TIAM1: variants seen among roughly 807,000 people sequenced by gnomAD.
The protein encoded by TIAM1 is TIAM Rac1 associated GEF 1, also known as rho guanine nucleotide exchange factor TIAM1.
In TIAM1, 65 loss-of-function variants were observed where a neutral mutation model predicts 163.5. The ratio of observed to expected loss-of-function variants is 0.40; its 90% CI spans 0.33 to 0.49. The LOEUF is 0.49. Ranked by LOEUF, TIAM1 falls within the 20% of genes least tolerant of loss-of-function variation. The pLI is 0.77. For synonymous variants in TIAM1, 833 were observed against 810.1 expected (o/e 1.03, Z -0.48); for missense variants, 1,789 against 2,044.7 (o/e 0.87, Z 2.41).
chr21:31,121,979 C>T (rs1452613245), intron 27 of TIAM1, among the ~76,000 whole-genome samples: 1 of 152,112 alleles, frequency 6.6e-6, no homozygotes, highest in African/African-American at 2.4e-5. Flanking sequence ...TTTCCTGAAA[C>T]CTAAGCCCCA....
chr21:31,361,959 C>T (rs2076414716), intron 2 of TIAM1, among the ~76,000 whole-genome samples: 1 of 152,004 alleles, frequency 6.6e-6, no homozygotes, highest in Non-Finnish European at 1.5e-5. Flanking sequence ...TATACACATA[C>T]ACATATATGT....
At chr21:31,408,454 T>C (rs544129481) in intron 2 of TIAM1, among the ~76,000 whole-genome samples, 1 of 152,282 alleles carries the variant, frequency 6.6e-6, no homozygotes, top group Admixed American at 6.5e-5. Context: ...CCGAGTCAGC[T>C]AAAAGGATTC....
chr21:31,514,022 A>G (rs969876580), intron 1 of TIAM1, among the ~76,000 whole-genome samples: 5 of 152,014 alleles, frequency 3.3e-5, no homozygotes, highest in Non-Finnish European at 7.4e-5. Flanking sequence ...AAATAATAAT[A>G]ATAAGGTTCT....
chr21:31,345,461 T>C (rs1284692621), upstream of TIAM1, among the ~76,000 whole-genome samples: 3 of 149,626 alleles, frequency 2.0e-5, no homozygotes, highest in African/African-American at 4.9e-5. Context: ...ATATTTTATA[T>C]ATATTCATAT....
At chr21:31,537,779 T>C (rs868718673) in intron 1 of TIAM1, among the ~76,000 whole-genome samples, 3 of 152,022 alleles carry the variant, frequency 2.0e-5, no homozygotes, top group Middle Eastern at 3.4e-3. Flanking sequence ...GAGAAAAGTA[T>C]TAATATTTAC....
At position 31,136,087 on chromosome 21, in the gene TIAM1, T is replaced by A. The variant is rs762360847; in HGVS notation, c.3775-46A>T. 8 of 1,481,790 alleles carry A rather than the reference T, an allele frequency of 5.4e-6. No individual in the cohort carries two copies. In the African/African-American group the frequency reaches 1.1e-4, roughly 21 times the overall value. 91.8% of individuals were successfully genotyped at this position (1,481,790 alleles called of 1,614,324 possible). A position where few individuals can be genotyped will look rare whatever the true frequency, so the allele number is the denominator to read the frequency against. ...AAAGCTTACTGGGTGGTGTTATCAA[T>A]ACTCAGATTTTCATGATGTTTGAAA... is the stretch of plus-strand genomic sequence containing the variant. On this transcript the variant is annotated intron_variant, in intron 22 of 27. Transcript: ENST00000541036.
At chr21:31,245,875 G>T (rs1411062854) in intron 5 of TIAM1, among the ~76,000 whole-genome samples, 1 of 152,154 alleles carries the variant, frequency 6.6e-6, no homozygotes. Context: ...GCCTGCCCGG[G>T]TTTCCTTCCT....
upstream of TIAM1, among the ~76,000 whole-genome samples, chr21:31,345,605 AC>A (rs2076133854): frequency 3.3e-5 from 5 of 152,116 alleles, no homozygotes; most frequent in South Asian, 1.0e-3. Context: ...AAATTTAATA[AC>A]CACCTGATAA....
chr21:31,311,544 G>A (rs1367241085), intron 2 of TIAM1, among the ~76,000 whole-genome samples: 1 of 152,162 alleles, frequency 6.6e-6, no homozygotes, highest in African/African-American at 2.4e-5. Context: ...TGCCACATTG[G>A]AATGTATCAA....
intron 17 of TIAM1, among the ~76,000 whole-genome samples, chr21:31,153,920 T>C (rs2083493423): frequency 6.6e-6 from 1 of 151,354 alleles, no homozygotes; most frequent in African/African-American, 2.4e-5. Context: ...AAAACGGGGC[T>C]GGGCATGGTG....
chr21:31,446,076 C>T (rs2044611779), intron 2 of TIAM1, among the ~76,000 whole-genome samples: 2 of 151,936 alleles, frequency 1.3e-5, no homozygotes, highest in African/African-American at 4.8e-5. Flanking sequence ...AAGTAGCTGG[C>T]ATTACAGGCA....
intron 2 of TIAM1, among the ~76,000 whole-genome samples, chr21:31,329,873 CATA>C (rs1164570916): frequency 6.6e-6 from 1 of 152,158 alleles, no homozygotes; most frequent in Admixed American, 6.6e-5. Flanking sequence ...GTTGCTGTTT[CATA>C]ATACCATTTT....
At chr21:31,554,959 A>AG (rs760964268) in intron 1 of TIAM1, among the ~76,000 whole-genome samples, 46 of 152,236 alleles carry the variant, frequency 3.0e-4, no homozygotes, top group Admixed American at 2.0e-3. Flanking sequence ...GGAACAGGGA[A>AG]GGTCTTATGC....
chr21:31,531,491 A>G (rs1042542784), intron 1 of TIAM1, among the ~76,000 whole-genome samples: 5 of 152,210 alleles, frequency 3.3e-5, no homozygotes, highest in Non-Finnish European at 7.3e-5. Flanking sequence ...GGGTACAGAG[A>G]CAAACTGGCT....
At chr21:31,172,182 C>G in intron 15 of TIAM1, among the ~76,000 whole-genome samples, 1 of 152,142 alleles carries the variant, frequency 6.6e-6, no homozygotes, top group African/African-American at 2.4e-5. Flanking sequence ...AGGAGAGACA[C>G]CAGCATGGCA....
intron 2 of TIAM1, among the ~76,000 whole-genome samples, chr21:31,296,067 G>A (rs572450921): frequency 6.6e-6 from 1 of 152,240 alleles, no homozygotes; most frequent in East Asian, 1.9e-4. Flanking sequence ...CCAAAGTATT[G>A]GGATTACAGG....
At chr21:31,521,489 G>A (rs1164542301) in intron 1 of TIAM1, among the ~76,000 whole-genome samples, 1 of 152,190 alleles carries the variant, frequency 6.6e-6, no homozygotes, top group African/African-American at 2.4e-5. Context: ...TAATCCCAGT[G>A]ATTTGGTAGG....
intron 1 of TIAM1, among the ~76,000 whole-genome samples, chr21:31,521,745 A>AACACAC (rs35006738): frequency 0.054 from 7,929 of 146,888 alleles, 240 homozygotes; most frequent in East Asian, 0.081. Context: ...CTCACACACA[A>AACACAC]ACACACACAC....
intron 1 of TIAM1, among the ~76,000 whole-genome samples, chr21:31,506,038 T>TG (rs1336879942): frequency 1.4e-5 from 2 of 143,906 alleles, no homozygotes; most frequent in African/African-American, 5.2e-5. Flanking sequence ...AAAAGGCTGA[T>TG]GCGCACAACA....
Sources: allele counts gnomAD v4.1 joint callset (sites outside exome capture counted in the v4.1 genomes callset), GRCh38; gene constraint gnomAD v4.1.1; transcripts MANE v1.5; gene names NCBI Gene and HGNC (gene_info 2026-07-23, HGNC 2026-07-21).